RABGEF1: variants seen among roughly 807,000 people sequenced by gnomAD.
RABGEF1 encodes RAB guanine nucleotide exchange factor 1, also known as rab5 GDP/GTP exchange factor.
Under a neutral mutation model 57.3 loss-of-function variants are expected in RABGEF1, and 26 were observed. The ratio of observed to expected loss-of-function variants is 0.45; its 90% CI spans 0.33 to 0.63. The LOEUF (loss-of-function observed/expected upper bound fraction) is 0.63, where lower values mean the gene tolerates loss of function less well. RABGEF1 is among the 20% of genes least tolerant of loss of function. The probability of loss-of-function intolerance (pLI) is 0.02; values close to 1 mark genes in which losing one functional copy is unlikely to be tolerated. For missense variants in RABGEF1, 464 were observed against 607.6 expected (o/e 0.76, Z 2.48); for synonymous variants, 185 against 210.7 (o/e 0.88, Z 1.06).
chr7:66,757,787 A>AG (rs955942484), intron 1 of RABGEF1, among the ~76,000 whole-genome samples: 7 of 151,974 alleles, frequency 4.6e-5, no homozygotes, highest in African/African-American at 1.7e-4. Flanking sequence ...AACTTTTTGT[A>AG]TTTTTAGTAG....
At chr7:66,705,694 TG>T (rs1434761139) in intron 1 of RABGEF1, among the ~76,000 whole-genome samples, 1 of 151,422 alleles carries the variant, frequency 6.6e-6, no homozygotes, top group East Asian at 2.0e-4. Flanking sequence ...TAGATACAAG[TG>T]TTTTTTTTTT....
At chr7:66,778,336 C>G (rs770316421) in intron 3 of RABGEF1, among the ~76,000 whole-genome samples, 10 of 152,176 alleles carry the variant, frequency 6.6e-5, no homozygotes, top group Non-Finnish European at 1.5e-4. Flanking sequence ...TCTTCACATT[C>G]TTTTAGAGTT....
At chr7:66,794,364 C>T (rs1291377091) in intron 4 of RABGEF1, among the ~76,000 whole-genome samples, 1 of 151,288 alleles carries the variant, frequency 6.6e-6, no homozygotes, top group African/African-American at 2.4e-5. Flanking sequence ...CTATGTTGCC[C>T]AGGCTGGCCT....
intron 4 of RABGEF1, among the ~76,000 whole-genome samples, chr7:66,789,867 T>TCCTGAGAAG (rs1423415358): frequency 6.6e-6 from 1 of 152,030 alleles, no homozygotes; most frequent in African/African-American, 2.4e-5. Context: ...GTGTTGGCAT[T>TCCTGAGAAG]GTCTCCCAGC....
At chr7:66,670,731 A>G in the RABGEF1 span, among the ~76,000 whole-genome samples, 1 of 151,974 alleles carries the variant, frequency 6.6e-6, no homozygotes, top group Non-Finnish European at 1.5e-5. Flanking sequence ...CTGTAATCCC[A>G]GCTACTCAGG....
chr7:66,810,041 A>AG lies in RABGEF1; in HGVS notation c.*758dup. On this transcript the variant is annotated 3_prime_UTR_variant, in exon 9 of 9. Transcript: ENST00000284957. ...ATGGAAGACTTTAAACTATGCTTCT[A>AG]GCTTATTTTTCCCTCATTCATTCAG... The AG allele has an allele frequency of 6.6e-6, 1 of 152,206 alleles. No individual in the cohort carries two copies. The highest frequency in any genetic ancestry group is 1.5e-5 in the Non-Finnish European group (1 of 68,032). 9.4% of individuals were successfully genotyped at this position (152,206 alleles called of 1,614,324 possible).
intron 2 of RABGEF1, among the ~76,000 whole-genome samples, chr7:66,721,877 G>C (rs568121299): frequency 6.6e-6 from 1 of 152,158 alleles, no homozygotes; most frequent in Non-Finnish European, 1.5e-5. Context: ...TTGGCCAAGT[G>C]GGGTGGCTTA....
chr7:66,789,388 A>AGT (rs1812022883), intron 4 of RABGEF1, among the ~76,000 whole-genome samples: 1 of 152,162 alleles, frequency 6.6e-6, no homozygotes, highest in African/African-American at 2.4e-5. Context: ...AAGTAGATAA[A>AGT]AGATGTATTT....
chr7:66,671,025 A>G, the RABGEF1 span, among the ~76,000 whole-genome samples: 1 of 151,706 alleles, frequency 6.6e-6, no homozygotes, highest in Admixed American at 6.6e-5. Context: ...ATATTTATAT[A>G]TATATATAGA....
At chr7:66,748,963 G>T in intron 1 of RABGEF1, 1 of 199,704 alleles carries the variant, frequency 5.0e-6, no homozygotes. Context: ...GGCCGCTGCT[G>T]CTTTGCTGGC....
chr7:66,740,990 C>A (rs970366873), intron 1 of RABGEF1, among the ~76,000 whole-genome samples, 198 bp downstream of exon 1: 5 of 152,224 alleles, frequency 3.3e-5, no homozygotes, highest in African/African-American at 1.2e-4. Flanking sequence ...CCGTTCCAGG[C>A]CGCCCTCGGC....
chr7:66,659,200 C>T, the RABGEF1 span, among the ~76,000 whole-genome samples: 4 of 152,098 alleles, frequency 2.6e-5, no homozygotes, highest in African/African-American at 4.8e-5. Flanking sequence ...CGCCTGTAAT[C>T]CCAGCACTTT....
chr7:66,762,220 T>A (rs1804593499), intron 1 of RABGEF1, among the ~76,000 whole-genome samples: 2 of 152,288 alleles, frequency 1.3e-5, no homozygotes, highest in South Asian at 4.1e-4. Flanking sequence ...AAGGTCTCTG[T>A]CCTCAGCAAA....
chr7:66,667,525 T>C, the RABGEF1 span: 100,284 of 152,118 alleles, frequency 0.66, 33,460 homozygotes, highest in African/African-American at 0.76. Context: ...CAAGGCAGCA[T>C]GCAGAGGCCG....
chr7:66,793,875 G>A (rs539655873), intron 4 of RABGEF1, among the ~76,000 whole-genome samples: 3 of 152,324 alleles, frequency 2.0e-5, no homozygotes, highest in South Asian at 4.1e-4. Flanking sequence ...GGCCCTTGGC[G>A]TGTGAGGTCA....
chr7:66,743,290 A>T (rs1420107540), intron 1 of RABGEF1, among the ~76,000 whole-genome samples: 2 of 151,302 alleles, frequency 1.3e-5, no homozygotes, highest in Non-Finnish European at 2.9e-5. Context: ...AGCCTGGGCG[A>T]CAGAGCGAGA....
chr7:66,753,494 G>A (rs1226933479), intron 1 of RABGEF1, among the ~76,000 whole-genome samples: 1 of 152,124 alleles, frequency 6.6e-6, no homozygotes, highest in Admixed American at 6.5e-5. Flanking sequence ...CTGCACCACT[G>A]TAATAAAGTG....
upstream of RABGEF1, among the ~76,000 whole-genome samples, chr7:66,737,073 T>TGA (rs1279802653): frequency 1.6e-3 from 183 of 117,118 alleles, 1 homozygote; most frequent in South Asian, 3.7e-3. Flanking sequence ...AGAGAGAGAG[T>TGA]GAGAGAGAGA....
upstream of RABGEF1, among the ~76,000 whole-genome samples, chr7:66,736,965 A>AAT (rs1585039137): frequency 2.0e-5 from 3 of 151,856 alleles, no homozygotes; most frequent in Admixed American, 1.3e-4. Flanking sequence ...CACGCACACA[A>AAT]ATATATATAT....
Sources: gnomAD v4.1 joint callset for allele counts (sites outside exome capture counted in the v4.1 genomes callset) on GRCh38, gnomAD v4.1.1 for gene constraint, MANE v1.5 for transcripts, NCBI Gene and HGNC (gene_info 2026-07-23, HGNC 2026-07-21) for gene names.